The following GRIN2B variants were observed in gnomAD, a reference collection of about 807,000 sequenced individuals.
The protein encoded by GRIN2B is glutamate receptor ionotropic, NMDA 2B.
In GRIN2B, 5 loss-of-function variants were observed where a neutral mutation model predicts 114.5. The observed-to-expected ratio is 0.04, with a 90% CI of 0.02 to 0.09. The LOEUF is 0.09. Among genes scored for constraint, GRIN2B ranks in the 10% least tolerant of loss-of-function variants. The pLI, the probability that GRIN2B is intolerant of heterozygous loss-of-function variation, is 1.00. For synonymous variants in GRIN2B, 787 were observed against 745.1 expected (o/e 1.06, Z -0.92); for missense variants, 1,108 against 1,943.5 (o/e 0.57, Z 8.08).
At chr12:13,978,233 A>C (rs1017958147) in intron 2 of GRIN2B, among the ~76,000 whole-genome samples, 2 of 152,286 alleles carry the variant, frequency 1.3e-5, no homozygotes, top group Middle Eastern at 3.4e-3. Flanking sequence ...TTTGAAGTCA[A>C]ATTAAGAGTT....
intron 2 of GRIN2B, among the ~76,000 whole-genome samples, chr12:13,976,656 C>A (rs1273324662): frequency 6.6e-6 from 1 of 152,136 alleles, no homozygotes; most frequent in African/African-American, 2.4e-5. Context: ...GTCCTTTCAC[C>A]TGTCTCCTTT....
At chr12:13,958,400 C>G (rs1260568769) in intron 2 of GRIN2B, among the ~76,000 whole-genome samples, 2 of 152,168 alleles carry the variant, frequency 1.3e-5, no homozygotes, top group East Asian at 3.9e-4. Flanking sequence ...CCTTCACTTC[C>G]TCAGCTGCAT....
At chr12:13,820,521 T>C (rs767986798) in intron 3 of GRIN2B, among the ~76,000 whole-genome samples, 1 of 152,218 alleles carries the variant, frequency 6.6e-6, no homozygotes, top group African/African-American at 2.4e-5. Flanking sequence ...GCACGCATTG[T>C]TCACCCCTGT....
chr12:13,895,660 T>G (rs1293928560), intron 2 of GRIN2B, among the ~76,000 whole-genome samples: 1 of 152,220 alleles, frequency 6.6e-6, no homozygotes, highest in Non-Finnish European at 1.5e-5. Context: ...TTTACTGTTC[T>G]TGTACAACAT....
At chr12:13,945,835 G>C (rs1867353711) in intron 2 of GRIN2B, among the ~76,000 whole-genome samples, 1 of 152,176 alleles carries the variant, frequency 6.6e-6, no homozygotes, top group Non-Finnish European at 1.5e-5. Context: ...ATACTTGGAA[G>C]TAAACCATCT....
chr12:13,890,095 C>T (rs978764221), intron 2 of GRIN2B, among the ~76,000 whole-genome samples: 13 of 152,190 alleles, frequency 8.5e-5, no homozygotes, highest in African/African-American at 2.9e-4. Context: ...TTCCTTTCAG[C>T]CCCTGCTGGG....
intron 2 of GRIN2B, among the ~76,000 whole-genome samples, chr12:13,962,089 T>TACATACAC (rs375862677): frequency 3.4e-5 from 5 of 145,238 alleles, no homozygotes; most frequent in Admixed American, 3.4e-4. Context: ...CTCTCATACA[T>TACATACAC]ACACACACAC....
intron 10 of GRIN2B, among the ~76,000 whole-genome samples, chr12:13,607,338 T>TAAAAA: frequency 1.9e-5 from 1 of 52,878 alleles, no homozygotes; most frequent in Non-Finnish European, 3.4e-5. Context: ...ATATATATTA[T>TAAAAA]ATATAATATA....
Position 13,563,677 on chromosome 12 carries a change from G to T in GRIN2B, c.3561C>A (p.His1187Gln), listed in dbSNP as rs1300574984. The T allele has an allele frequency of 6.2e-7, 1 of 1,613,542 alleles. No homozygotes were observed. The highest frequency in any genetic ancestry group is 1.3e-5 in the African/African-American group (1 of 75,062). Reference protein sequence around the residue: ...SHIKHGTGDKHGVVSGVPAPW... With the variant: ...SHIKHGTGDKQGVVSGVPAPW... Reference sequence around the variant, plus strand: ...GTGCAGGTACCCCGCTGACCACGCCGTGTTTGTCGCCCGTCCCGTGCTTGA... The same window carrying T: ...GTGCAGGTACCCCGCTGACCACGCCTTGTTTGTCGCCCGTCCCGTGCTTGA... Residue 1187 changes from histidine (H) to glutamine (Q), a missense_variant, in exon 14 of 14, where the codon CAC becomes CAA. By Grantham distance (24) the His-to-Gln change is conservative. Coordinates refer to ENST00000609686, the MANE Select transcript of GRIN2B (RefSeq NM_000834.5).
At chr12:13,791,451 C>CA (rs1234086791) in intron 3 of GRIN2B, among the ~76,000 whole-genome samples, 3,924 of 106,150 alleles carry the variant, frequency 0.037, 83 homozygotes, top group African/African-American at 0.059. Context: ...GACTCTGTCT[C>CA]AAAAAAAAAA....
intron 3 of GRIN2B, among the ~76,000 whole-genome samples, chr12:13,820,902 C>A (rs1864922145): frequency 6.6e-6 from 1 of 152,126 alleles, no homozygotes. Flanking sequence ...GAATTTGATT[C>A]TTCCCCCTTT....
At chr12:13,696,455 A>C (rs1305468693) in intron 4 of GRIN2B, among the ~76,000 whole-genome samples, 4 of 152,124 alleles carry the variant, frequency 2.6e-5, no homozygotes, top group African/African-American at 9.7e-5. Flanking sequence ...TCCAAAGTCC[A>C]CACCCTGATG....
intron 3 of GRIN2B, among the ~76,000 whole-genome samples, chr12:13,758,631 A>G (rs763316828): frequency 7.2e-5 from 11 of 152,206 alleles, no homozygotes; most frequent in Non-Finnish European, 1.6e-4. Flanking sequence ...TTATTATCTA[A>G]CAGAGGGATT....
At chr12:13,706,622 C>G (rs1031567343) in intron 4 of GRIN2B, among the ~76,000 whole-genome samples, 1 of 152,036 alleles carries the variant, frequency 6.6e-6, no homozygotes, top group African/African-American at 2.4e-5. Context: ...ATGGAATTCC[C>G]AACCTCCCCA....
intron 2 of GRIN2B, among the ~76,000 whole-genome samples, chr12:13,968,758 C>T (rs1056075497): frequency 2.0e-5 from 3 of 152,222 alleles, no homozygotes; most frequent in Non-Finnish European, 4.4e-5. Context: ...AGCTCACTCA[C>T]GTCCTTTTTG....
intron 4 of GRIN2B, among the ~76,000 whole-genome samples, chr12:13,737,633 T>C (rs1460761668): frequency 1.3e-5 from 2 of 152,198 alleles, no homozygotes; most frequent in African/African-American, 4.8e-5. Flanking sequence ...TGATACAAAA[T>C]GGTGTCTGTT....
intron 3 of GRIN2B, among the ~76,000 whole-genome samples, chr12:13,804,391 C>T (rs1864567420): frequency 6.6e-6 from 1 of 152,022 alleles, no homozygotes; most frequent in Non-Finnish European, 1.5e-5. Context: ...CTTTTAGGTT[C>T]TCCACAATCA....
chr12:13,698,210 G>A (rs929730449), intron 4 of GRIN2B, among the ~76,000 whole-genome samples: 3 of 152,162 alleles, frequency 2.0e-5, no homozygotes, highest in Non-Finnish European at 2.9e-5. Flanking sequence ...AATACCATGC[G>A]GTGGAGTTGG....
chr12:13,717,983 T>A (rs1478528524), intron 4 of GRIN2B, among the ~76,000 whole-genome samples: 1 of 152,036 alleles, frequency 6.6e-6, no homozygotes, highest in Non-Finnish European at 1.5e-5. Context: ...CTCTTTAATG[T>A]CTTTCCTCTT....
Sources: allele counts gnomAD v4.1 joint callset (sites outside exome capture counted in the v4.1 genomes callset), GRCh38; gene constraint gnomAD v4.1.1; transcripts MANE v1.5; gene names NCBI Gene and HGNC (gene_info 2026-07-23, HGNC 2026-07-21).